Variants in TRAPPC9 observed in about 807,000 individuals in gnomAD.
TRAPPC9 encodes IKK2 binding protein.
In TRAPPC9, 83 loss-of-function variants were observed where a neutral mutation model predicts 124.0. The observed-to-expected ratio is 0.67, with a 90% confidence interval of 0.56 to 0.80. The LOEUF (loss-of-function observed/expected upper bound fraction) is 0.80, where lower values mean the gene tolerates loss of function less well. TRAPPC9 is among the 30% of genes least tolerant of loss of function. The probability of loss-of-function intolerance (pLI) is 0.00; values close to 1 mark genes in which losing one functional copy is unlikely to be tolerated. For missense variants in TRAPPC9, 1,302 were observed against 1,508.3 expected, an observed-to-expected ratio of 0.86 and a Z score of 2.27; for synonymous variants, 638 against 617.5, an observed-to-expected ratio of 1.03 and a Z score of -0.49.
chr8:140,282,239 G>T (rs1266736357), intron 14 of TRAPPC9, among the ~76,000 whole-genome samples: 3 of 152,122 alleles, frequency 2.0e-5, no homozygotes, highest in Non-Finnish European at 2.9e-5. Flanking sequence ...GTGGTAGCTT[G>T]TGCCTATAAT....
intron 17 of TRAPPC9, among the ~76,000 whole-genome samples, chr8:140,155,277 A>T (rs995971855): frequency 4.6e-5 from 7 of 152,156 alleles, no homozygotes; most frequent in Non-Finnish European, 7.3e-5. Context: ...CAGGATTAGG[A>T]GCTGCTAAGG....
At chr8:139,891,864 G>A (rs1017056265) in intron 20 of TRAPPC9, among the ~76,000 whole-genome samples, 12 of 152,204 alleles carry the variant, frequency 7.9e-5, no homozygotes, top group African/African-American at 2.9e-4. Context: ...GGCATTACAA[G>A]GTAGGCATTA....
chr8:139,803,014 G>A lies in TRAPPC9; in HGVS notation c.3056-70812C>T, dbSNP rs535883449. On this transcript the variant is annotated intron_variant, in intron 21 of 22. Coordinates refer to ENST00000438773, the MANE Select transcript of TRAPPC9 (RefSeq NM_001160372.4). ...ATGTATGTCAGTGTATGTTGTGTGT[G>A]CATCCGTAGATGAACGTGTGTGTAT... Among the ~76,000 whole-genome samples the A allele has an allele frequency of 3.9e-5, 6 of 152,156 alleles. No individual in the cohort carries two copies. In the East Asian group the frequency reaches 1.2e-3, roughly 29 times the overall value.
chr8:140,274,312 G>A (rs1220513394), intron 15 of TRAPPC9, among the ~76,000 whole-genome samples: 1 of 152,148 alleles, frequency 6.6e-6, no homozygotes, highest in Admixed American at 6.5e-5. Context: ...CCTGCTCCAT[G>A]CCCACTCCCT....
chr8:139,779,562 C>T (rs1052899557), intron 21 of TRAPPC9, among the ~76,000 whole-genome samples: 1 of 152,022 alleles, frequency 6.6e-6, no homozygotes, highest in Non-Finnish European at 1.5e-5. Flanking sequence ...TATTAAAGCC[C>T]ATAGGGAGGA....
chr8:139,769,115 TA>T, intron 21 of TRAPPC9, among the ~76,000 whole-genome samples: 1 of 152,308 alleles, frequency 6.6e-6, no homozygotes, highest in East Asian at 1.9e-4. Context: ...AGTGCTTTGT[TA>T]GAAAAACTAC....
At chr8:140,072,548 A>AGG in intron 17 of TRAPPC9, among the ~76,000 whole-genome samples, 1 of 127,026 alleles carries the variant, frequency 7.9e-6, no homozygotes, top group African/African-American at 3.0e-5. Context: ...GAGGAGGAGG[A>AGG]AGAGGAGGAG....
intron 12 of TRAPPC9, among the ~76,000 whole-genome samples, chr8:140,289,003 G>T (rs573133638): frequency 6.6e-6 from 1 of 152,140 alleles, no homozygotes; most frequent in African/African-American, 2.4e-5. Context: ...GAGTTCTCAC[G>T]CGGGAAGAAA....
In TRAPPC9 at chr8:140,275,821, T is replaced by G; in HGVS notation, c.2115A>C (p.Arg705Ser). The change falls in exon 15 of 23, where the codon AGA becomes AGC. Residue 705 changes from arginine to serine, a missense_variant and splice_region_variant. This residue lies in a region of TRAPPC9 where 640 missense variants were observed against 679.3 expected (regional missense o/e 0.94). Transcript: ENST00000438773. ...PRLQISTSLP[R>S]SAHSLQPSSG... is the part of the protein sequence containing the mutation. ...AAGAAGGTTGCAATGAATGTGCAGA[T>G]CTAAAATAAGAAGAAGAAATTTAAA... The G allele has an allele frequency of 6.2e-7, 1 of 1,610,718 alleles. No individual in the cohort carries two copies. Among genetic ancestry groups the G allele is most frequent in the Non-Finnish European group, 8.5e-7 (1 of 1,177,042 alleles).
At chr8:140,443,448 A>G (rs573793059) in intron 2 of TRAPPC9, among the ~76,000 whole-genome samples, 7 of 152,058 alleles carry the variant, frequency 4.6e-5, no homozygotes, top group African/African-American at 1.4e-4. Context: ...AAAAAAAAAA[A>G]GAAGTCTTTG....
At chr8:139,913,135 G>A (rs544718969) in intron 19 of TRAPPC9, among the ~76,000 whole-genome samples, 2 of 152,198 alleles carry the variant, frequency 1.3e-5, no homozygotes, top group Non-Finnish European at 2.9e-5. Flanking sequence ...ATCTAATCTG[G>A]GGGTATCTTT....
chr8:140,217,572 C>A (rs1352571098), intron 17 of TRAPPC9, among the ~76,000 whole-genome samples: 1 of 150,328 alleles, frequency 6.7e-6, no homozygotes, highest in South Asian at 2.1e-4. Context: ...AATAAATATA[C>A]CCCCTACAGC....
intron 17 of TRAPPC9, among the ~76,000 whole-genome samples, chr8:140,145,377 A>G (rs78307981): frequency 0.012 from 1,782 of 152,082 alleles, 42 homozygotes; most frequent in African/African-American, 0.04. Flanking sequence ...AGACTTTAAA[A>G]GCAATGTGCC....
At chr8:139,782,771 T>A (rs1476943598) in intron 21 of TRAPPC9, among the ~76,000 whole-genome samples, 1 of 152,232 alleles carries the variant, frequency 6.6e-6, no homozygotes, top group East Asian at 1.9e-4. Flanking sequence ...TTATATCAAG[T>A]GAACATTGAG....
chr8:140,350,122 G>T (rs1002280201), intron 9 of TRAPPC9, among the ~76,000 whole-genome samples: 7 of 152,208 alleles, frequency 4.6e-5, no homozygotes, highest in African/African-American at 1.7e-4. Context: ...AGGAAGACGC[G>T]CCTTTCCAGC....
rs957371762 is a variant in TRAPPC9, at chr8:140,321,180, A to G, written c.1496-9806T>C. On this transcript the variant is annotated intron_variant, in intron 9 of 22. Coordinates refer to ENST00000438773, the MANE Select transcript of TRAPPC9 (RefSeq NM_001160372.4). ...AGGGGAGAACCACTGCCTGCGGCAGAGAAGCCGGCAGAGCGCTCCAGGCAG... is the reference window on the plus strand; with the variant it reads ...AGGGGAGAACCACTGCCTGCGGCAGGGAAGCCGGCAGAGCGCTCCAGGCAG... Among the ~76,000 whole-genome samples the G allele has an allele frequency of 3.9e-5, 6 of 152,346 alleles. No individual in the cohort carries two copies. In the East Asian group the frequency reaches 7.7e-4, roughly 20 times the overall value.
chr8:140,269,851 C>A (rs1230341191), intron 15 of TRAPPC9, among the ~76,000 whole-genome samples: 1 of 152,180 alleles, frequency 6.6e-6, no homozygotes, highest in East Asian at 1.9e-4. Flanking sequence ...GTAATCCCAG[C>A]ACTTTGGAAG....
At chr8:139,993,315 G>C (rs1837760524) in intron 18 of TRAPPC9, among the ~76,000 whole-genome samples, 1 of 152,122 alleles carries the variant, frequency 6.6e-6, no homozygotes, top group East Asian at 1.9e-4. Flanking sequence ...AGGAACAGAA[G>C]CTCAATCCAA....
intron 18 of TRAPPC9, among the ~76,000 whole-genome samples, chr8:140,015,773 A>G (rs2131874127): frequency 1.3e-5 from 2 of 152,150 alleles, no homozygotes; most frequent in Middle Eastern, 3.4e-3. Flanking sequence ...GTGCCACTGC[A>G]CTCCAGCCCG....
Sources: allele counts gnomAD v4.1 joint callset (sites outside exome capture counted in the v4.1 genomes callset), GRCh38; gene constraint gnomAD v4.1.1; regional missense constraint gnomAD v4.1.1; transcripts MANE v1.5; gene names NCBI Gene and HGNC (gene_info 2026-07-23, HGNC 2026-07-21).